The following DERL2 variants were observed in gnomAD, a reference collection of about 807,000 sequenced individuals.
DERL2 encodes the protein derlin 2, also known as derlin-2.
DERL2 carries 13 observed loss-of-function variants against 32.0 expected under a neutral mutation model. That is an observed-to-expected ratio of 0.41 (90% CI 0.26 to 0.65). The LOEUF (loss-of-function observed/expected upper bound fraction) is 0.65. DERL2 is among the 30% of genes least tolerant of loss of function. DERL2 has a pLI of 0.35. For missense variants in DERL2, 208 were observed against 296.3 expected, an observed-to-expected ratio of 0.70 and a Z score of 2.19; for synonymous variants, 111 against 104.7, an observed-to-expected ratio of 1.06 and a Z score of -0.37.
chr17:5,481,098 C>T lies in DERL2; in HGVS notation c.327+198G>A, dbSNP rs1905748393. On this transcript the variant is annotated intron_variant, in intron 4 of 6. Coordinates refer to ENST00000158771, the MANE Select transcript of DERL2 (RefSeq NM_016041.5). This position sits in a 1 kb window ranked among gnomAD's most constrained non-coding sequence, Gnocchi z 4.4. ...ATAACTGAGTTGCTTAACAGTAACC[C>T]ACCTGGGTTAAAAGTTCCTTTGACT... 3.2e-6 allele frequency: 2 copies of T among 618,358 alleles called. No homozygotes were observed. Among genetic ancestry groups the T allele is most frequent in the African/African-American group, 1.9e-5 (1 of 53,724 alleles). 38.3% of individuals were successfully genotyped at this position (618,358 alleles called of 1,614,324 possible).
At chr17:5,482,682 T>C in intron 3 of DERL2, 127 bp downstream of exon 3, 1 of 613,428 alleles carries the variant, frequency 1.6e-6, no homozygotes, top group Non-Finnish European at 2.9e-6. Flanking sequence ...AACTACTTTA[T>C]GTACCACTGA....
intron 6 of DERL2, among the ~76,000 whole-genome samples, chr17:5,479,554 A>T (rs1408375692): frequency 2.0e-5 from 3 of 150,542 alleles, no homozygotes; most frequent in Non-Finnish European, 3.0e-5. Context: ...GTTCTATCTC[A>T]GGAAACTGAA....
upstream of DERL2, chr17:5,486,356 G>GCCCCGC: frequency 2.6e-6 from 1 of 378,718 alleles, no homozygotes; most frequent in Non-Finnish European, 4.6e-6. Context: ...CGTCGCCACC[G>GCCCCGC]CCCCCCCCCA....
At chr17:5,476,741 A>C (rs918860705) in intron 6 of DERL2, among the ~76,000 whole-genome samples, 5 of 152,226 alleles carry the variant, frequency 3.3e-5, no homozygotes, top group Admixed American at 1.3e-4. Flanking sequence ...AGATTGAGCC[A>C]CTGCACTCAA....
rs1293021865 is a variant in DERL2 at position 5,473,763 on chromosome 17, G to T, written c.*921C>A. The T allele has an allele frequency of 6.6e-6, 1 of 151,084 alleles. No individual in the cohort carries two copies. The highest frequency in any genetic ancestry group is 2.4e-5 in the African/African-American group (1 of 41,082). The allele number at this position is 151,084 out of a possible 1,614,324, so 9.4% of individuals were successfully genotyped here. On this transcript the variant is annotated 3_prime_UTR_variant, in exon 7 of 7. Coordinates refer to ENST00000158771, the MANE Select transcript of DERL2 (RefSeq NM_016041.5). ...GTCCAGGAGTTCAAGACCAGCCTGG[G>T]CAACACAGTGAGACCCCATCTGTAT...
At position 5,473,460 on chromosome 17, in the gene DERL2, T is replaced by G. The variant is rs187092845; in HGVS notation, c.*1224A>C. The G allele has an allele frequency of 7.2e-5, 11 of 152,238 alleles. No individual in the cohort carries two copies. The East Asian group carries it at 2.1e-3, about 29-fold the overall frequency. The allele number at this position is 152,238 out of a possible 1,614,324, so 9.4% of individuals were successfully genotyped here. A position where few individuals can be genotyped will look rare whatever the true frequency, so the allele number is the denominator to read the frequency against. On this transcript the variant is annotated 3_prime_UTR_variant, in exon 7 of 7. Transcript: ENST00000158771. ...CTTGGCTCTGAAAAGGTTCTTGAAT[T>G]TTCACGAAGCAAATGACTAATGTTA...
chr17:5,481,381 T>C lies in DERL2; in HGVS notation c.242A>G (p.Tyr81Cys). The change falls in exon 4 of 7, where the codon TAC (tyrosine) becomes TGC (cysteine). Residue 81 changes from tyrosine to cysteine, a missense_variant. By Grantham distance (194) the Tyr-to-Cys change is radical. This residue lies in a region of DERL2 where 124 missense variants were observed against 215.3 expected (regional missense o/e 0.58). Transcript: ENST00000158771. This position sits in a 1 kb window ranked among gnomAD's most constrained non-coding sequence, Gnocchi z 4.4. ...FLFNMIFLYR[Y>C]CRMLEEGSFR... ...AGAGCCTTCTTCTAGCATTCGACAG[T>C]AACGATATCTTAAGTTCCAAGTTAA... 1 of 1,612,578 alleles carries C rather than the reference T, an allele frequency of 6.2e-7. No homozygotes were observed. Among genetic ancestry groups the C allele is most frequent in the Non-Finnish European group, 8.5e-7 (1 of 1,178,678 alleles).
intron 2 of DERL2, among the ~76,000 whole-genome samples, chr17:5,483,301 C>T (rs1905923381): frequency 6.7e-6 from 1 of 148,390 alleles, no homozygotes; most frequent in Non-Finnish European, 1.5e-5. Flanking sequence ...ATTAGGCAGT[C>T]AGAAACATCT....
chr17:5,480,494 A>G lies in DERL2; in HGVS notation c.416T>C (p.Val139Ala). Reference protein sequence around the residue: ...VYVWSRRNPYVRMNFFGLLNF... With the variant: ...VYVWSRRNPYARMNFFGLLNF... ...GAGAAGGCCGAAGAAGTTCATGCGG[A>G]CATAGGGGTTCCTTCGGCTCCACAC... The change falls in exon 5 of 7, where the codon GTC (valine) becomes GCC (alanine). Residue 139 changes from valine (V) to alanine (A), a missense_variant. Around this residue, in one of 3 missense-constraint regions of DERL2, gnomAD observed 124 missense variants for 215.3 expected, o/e 0.58. Transcript: ENST00000158771. The G allele has an allele frequency of 6.2e-7, 1 of 1,610,440 alleles. No homozygotes were observed. Among genetic ancestry groups the G allele is most frequent in the Non-Finnish European group, 8.5e-7 (1 of 1,179,080 alleles).
At chr17:5,482,481 T>C (rs1905854778) in intron 3 of DERL2, 3 of 211,030 alleles carry the variant, frequency 1.4e-5, no homozygotes, top group South Asian at 1.3e-4. Context: ...TGAATTACCA[T>C]TGCATTCAGG....
chr17:5,479,569 A>C (rs1328041155), intron 6 of DERL2, among the ~76,000 whole-genome samples: 1 of 151,858 alleles, frequency 6.6e-6, no homozygotes, highest in Non-Finnish European at 1.5e-5. Flanking sequence ...ACTGAAGTGC[A>C]AAAAAGAAAG....
chr17:5,485,990 C>G (rs780693678), intron 1 of DERL2, 79 bp downstream of exon 1: 2 of 1,366,980 alleles, frequency 1.5e-6, no homozygotes, highest in Non-Finnish European at 1.0e-6. Context: ...TGGGCCTCCC[C>G]GAGGCCCAAA....
intron 6 of DERL2, among the ~76,000 whole-genome samples, chr17:5,475,196 G>A (rs1905304901): frequency 6.6e-6 from 1 of 151,878 alleles, no homozygotes; most frequent in Non-Finnish European, 1.5e-5. Context: ...CCATAACCAA[G>A]GTATCACCCA....
At chr17:5,484,089 G>A (rs965983235) in intron 2 of DERL2, among the ~76,000 whole-genome samples, 9 of 152,212 alleles carry the variant, frequency 5.9e-5, no homozygotes, top group African/African-American at 1.7e-4. Flanking sequence ...CAAAAGCTGC[G>A]TTTTGAAAGG....
At position 5,473,630 on chromosome 17, in the gene DERL2, AAAAAC is replaced by A. The variant is rs1209471941; in HGVS notation, c.*1049_*1053del. On this transcript the variant is annotated 3_prime_UTR_variant, in exon 7 of 7. Transcript: ENST00000158771. ...TTTTTTTTTTTTAATTAAAAAAACAAAAAACAAAACAAAACAAAAAAGGCAAAAAA... is the reference window on the plus strand; with the variant it reads ...TTTTTTTTTTTTAATTAAAAAAACAAAAAACAAAACAAAAAAGGCAAAAAA... The A allele has an allele frequency of 5.6e-5, 8 of 143,382 alleles. No individual in the cohort carries two copies. Among genetic ancestry groups the A allele is most frequent in the Non-Finnish European group, 7.4e-5 (5 of 67,200 alleles). The allele number at this position is 143,382 out of a possible 1,614,324, so 8.9% of individuals were successfully genotyped here.
In DERL2 at chr17:5,474,853, G is replaced by T; in HGVS notation, c.615-64C>A. ...CATCTCAGGTCCAAAGTACTACAAG[G>T]TCAGTTCAGGCCCCATAGGGTTTCC... On this transcript the variant is annotated intron_variant, in intron 6 of 6. Coordinates refer to ENST00000158771, the MANE Select transcript of DERL2 (RefSeq NM_016041.5). The surrounding 1 kb of genome is among the most constrained non-coding windows in gnomAD (Gnocchi z 4.3). 1 of 1,291,900 alleles carries T rather than the reference G, an allele frequency of 7.7e-7. No individual in the cohort carries two copies. Among genetic ancestry groups the T allele is most frequent in the Non-Finnish European group, 1.1e-6 (1 of 901,914 alleles). The allele number at this position is 1,291,900 out of a possible 1,614,324, so 80.0% of individuals were successfully genotyped here.
At chr17:5,486,766 G>A (rs1486246852), upstream of DERL2, 1 of 152,448 alleles carries the variant, frequency 6.6e-6, no homozygotes, top group Non-Finnish European at 1.5e-5. Context: ...GAGGGAGCAA[G>A]GCGGCCTGTG....
intron 2 of DERL2, 97 bp downstream of exon 2, chr17:5,485,054 G>C (rs1906079975): frequency 1.3e-6 from 1 of 784,426 alleles, no homozygotes; most frequent in South Asian, 2.1e-5. Flanking sequence ...GTCCCCACTG[G>C]GTTCTTTTTT....
chr17:5,478,940 C>T (rs887994264), intron 6 of DERL2, among the ~76,000 whole-genome samples: 2 of 152,214 alleles, frequency 1.3e-5, no homozygotes, highest in African/African-American at 4.8e-5. Context: ...CCACCTCAAC[C>T]TCTCGAGTAG....
Sources: gnomAD v4.1 joint callset for allele counts (sites outside exome capture counted in the v4.1 genomes callset) on GRCh38, gnomAD v4.1.1 for gene constraint, gnomAD v4.1.1 regional missense constraint, Gnocchi (gnomAD v3.1) non-coding constraint, MANE v1.5 for transcripts, NCBI Gene and HGNC (gene_info 2026-07-23, HGNC 2026-07-21) for gene names.